TMEM132D: variants seen among roughly 807,000 people sequenced by gnomAD.
TMEM132D encodes the protein transmembrane protein 132D.
In TMEM132D, 21 loss-of-function variants were observed where a neutral mutation model predicts 62.3. The observed-to-expected ratio is 0.34, with a 90% CI of 0.24 to 0.49. The LOEUF (loss-of-function observed/expected upper bound fraction) is 0.49, where lower values mean the gene tolerates loss of function less well. TMEM132D is among the 20% of genes least tolerant of loss of function. TMEM132D has a pLI of 0.99. For synonymous variants in TMEM132D, 621 were observed against 575.6 expected, an observed-to-expected ratio of 1.08 and a Z score of -1.13; for missense variants, 1,346 against 1,402.8, an observed-to-expected ratio of 0.96 and a Z score of 0.65.
intron 5 of TMEM132D, among the ~76,000 whole-genome samples, chr12:129,112,771 G>C (rs1304780872): frequency 1.3e-5 from 2 of 152,204 alleles, no homozygotes; most frequent in Admixed American, 1.3e-4. Flanking sequence ...TGACATATTG[G>C]TCTGCACAGG....
In TMEM132D at chr12:129,742,407, C is replaced by T. The variant is rs369448368; in HGVS notation, c.80-41709G>A. On this transcript the variant is annotated intron_variant, in intron 1 of 8. Coordinates refer to ENST00000422113, the MANE Select transcript of TMEM132D (RefSeq NM_133448.3). ...GAGAGAGAAGAAGAGGTCCCAGACT[C>T]TTTTTGACAGTCAGATCTCATGGTA... Among the ~76,000 whole-genome samples the T allele has an allele frequency of 8.5e-5, 13 of 152,172 alleles. No individual in the cohort carries two copies. In the East Asian group the frequency reaches 9.7e-4, roughly 11 times the overall value.
intron 2 of TMEM132D, among the ~76,000 whole-genome samples, chr12:129,558,467 G>T (rs971905421): frequency 6.6e-6 from 1 of 152,164 alleles, no homozygotes; most frequent in Admixed American, 6.5e-5. Context: ...GGATCAGGGG[G>T]CTACAGGCGA....
chr12:129,476,134 C>G (rs1874249846), intron 3 of TMEM132D, among the ~76,000 whole-genome samples: 1 of 152,134 alleles, frequency 6.6e-6, no homozygotes. Context: ...CTGCTCATAC[C>G]AGTTGGCAAC....
chr12:129,497,693 G>T (rs1875001827), intron 3 of TMEM132D, among the ~76,000 whole-genome samples: 2 of 151,428 alleles, frequency 1.3e-5, no homozygotes, highest in Admixed American at 1.3e-4. Flanking sequence ...ACAGGGTCTT[G>T]CTCTTGTCAA....
chr12:129,142,157 G>A (rs1876763388), intron 5 of TMEM132D, among the ~76,000 whole-genome samples: 2 of 152,018 alleles, frequency 1.3e-5, no homozygotes, highest in South Asian at 4.2e-4. Flanking sequence ...CCTTCCATGT[G>A]AGTATACCGT....
At chr12:129,255,193 G>T (rs186563817) in intron 4 of TMEM132D, among the ~76,000 whole-genome samples, 2 of 152,248 alleles carry the variant, frequency 1.3e-5, no homozygotes, top group African/African-American at 4.8e-5. Flanking sequence ...AGAAGCCACT[G>T]TGCTTCCTGT....
chr12:129,707,958 C>T (rs192233747), intron 1 of TMEM132D, among the ~76,000 whole-genome samples: 81 of 152,184 alleles, frequency 5.3e-4, no homozygotes, highest in Admixed American at 4.5e-3. Context: ...GGTTCACACC[C>T]GTAATCCCAG....
chr12:129,828,860 G>T (rs1053401728), intron 1 of TMEM132D, among the ~76,000 whole-genome samples: 1 of 146,004 alleles, frequency 6.8e-6, no homozygotes, highest in African/African-American at 2.5e-5. Context: ...TCCTCTAGAG[G>T]AAAAAATTAT....
intron 1 of TMEM132D, among the ~76,000 whole-genome samples, chr12:129,833,978 T>G (rs1833921320): frequency 6.6e-6 from 1 of 152,194 alleles, no homozygotes; most frequent in Non-Finnish European, 1.5e-5. Flanking sequence ...CACAAGATTC[T>G]GACACCCAGC....
At chr12:129,840,281 T>G (rs1476291415) in intron 1 of TMEM132D, 1 of 152,160 alleles carries the variant, frequency 6.6e-6, no homozygotes, top group Non-Finnish European at 1.5e-5. Context: ...CCAGTGACCT[T>G]GGGCACTGCC....
intron 2 of TMEM132D, among the ~76,000 whole-genome samples, chr12:129,608,053 A>C (rs1480876699): frequency 6.6e-6 from 1 of 152,212 alleles, no homozygotes; most frequent in Non-Finnish European, 1.5e-5. Flanking sequence ...AAAAACAGAT[A>C]ACACATTGCA....
intron 5 of TMEM132D, among the ~76,000 whole-genome samples, chr12:129,135,046 A>G (rs1005334951): frequency 2.0e-5 from 3 of 152,174 alleles, no homozygotes; most frequent in Non-Finnish European, 4.4e-5. Flanking sequence ...GGAGGAAATC[A>G]ATGGAATTGC....
intron 5 of TMEM132D, among the ~76,000 whole-genome samples, chr12:129,148,872 C>T (rs182840130): frequency 3.3e-5 from 5 of 151,586 alleles, no homozygotes; most frequent in Admixed American, 2.0e-4. Flanking sequence ...TCTAGCTCTC[C>T]AAATTGTCTT....
intron 4 of TMEM132D, among the ~76,000 whole-genome samples, chr12:129,279,218 T>C (rs1438674801): frequency 1.3e-5 from 2 of 152,206 alleles, no homozygotes; most frequent in African/African-American, 4.8e-5. Flanking sequence ...TATCACCTAA[T>C]TAATGTTTAA....
intron 5 of TMEM132D, among the ~76,000 whole-genome samples, chr12:129,180,871 G>A (rs1878045642): frequency 1.3e-5 from 2 of 152,116 alleles, no homozygotes; most frequent in Admixed American, 1.3e-4. Context: ...GAGAGCCATA[G>A]GGGCCAGATG....
chr12:129,257,385 A>G (rs1262069869), intron 4 of TMEM132D, among the ~76,000 whole-genome samples: 3 of 151,410 alleles, frequency 2.0e-5, no homozygotes, highest in Non-Finnish European at 2.9e-5. Flanking sequence ...TTCTTTTTGT[A>G]TTTTTAGTAG....
intron 1 of TMEM132D, among the ~76,000 whole-genome samples, chr12:129,736,712 A>G (rs1281773979): frequency 6.6e-6 from 1 of 152,176 alleles, no homozygotes; most frequent in Non-Finnish European, 1.5e-5. Flanking sequence ...CATAAAAATG[A>G]ATTTGTACTT....
rs982477987 is a variant in TMEM132D at position 129,072,564 on chromosome 12, T to C, written c.*1311A>G. On this transcript the variant is annotated 3_prime_UTR_variant, in exon 9 of 9. Transcript: ENST00000422113. ...CTTGCAAACCTGCATCTTCACCACA[T>C]GCACTGATGCCCCTTATCCCTTCGC... 2 of 152,384 alleles carry C rather than the reference T, an allele frequency of 1.3e-5. No homozygotes were observed. The highest frequency in any genetic ancestry group is 4.8e-5 in the African/African-American group (2 of 41,450). 9.4% of individuals were successfully genotyped at this position (152,384 alleles called of 1,614,324 possible).
chr12:129,754,103 T>TGAA (rs762943950), intron 1 of TMEM132D, among the ~76,000 whole-genome samples: 5 of 152,122 alleles, frequency 3.3e-5, no homozygotes, highest in Admixed American at 6.5e-5. Context: ...TTCTCTGGTT[T>TGAA]GAAGAAGAAG....
Sources: allele counts gnomAD v4.1 joint callset (sites outside exome capture counted in the v4.1 genomes callset), GRCh38; gene constraint gnomAD v4.1.1; transcripts MANE v1.5; gene names NCBI Gene and HGNC (gene_info 2026-07-23, HGNC 2026-07-21).